The following SEPTIN2 variants were observed in gnomAD, a reference collection of about 807,000 sequenced individuals.
SEPTIN2 encodes septin-2.
In SEPTIN2, 34 loss-of-function variants were observed where a neutral mutation model predicts 46.5. The ratio of observed to expected loss-of-function variants is 0.73; its 90% confidence interval spans 0.56 to 0.97. The LOEUF (loss-of-function observed/expected upper bound fraction) is 0.97. Ranked by LOEUF, SEPTIN2 falls within the 50% of genes least tolerant of loss-of-function variation. SEPTIN2 has a pLI of 0.00. For missense variants in SEPTIN2, 347 were observed against 448.4 expected (o/e 0.77, Z 2.04); for synonymous variants, 175 against 153.4 (o/e 1.14, Z -1.04).
intron 11 of SEPTIN2, 61 bp downstream of exon 11, chr2:241,348,252 G>C: frequency 2.1e-6 from 3 of 1,461,486 alleles, no homozygotes; most frequent in Non-Finnish European, 2.9e-6. Context: ...TTTTGAGACA[G>C]AGTTTTGCAC....
chr2:241,324,217 C>T lies in SEPTIN2; in HGVS notation c.-16C>T, dbSNP rs199561818. On this transcript the variant is annotated splice_region_variant and 5_prime_UTR_variant, in exon 2 of 13. The change creates a new upstream start codon in the 5' untranslated region. Coordinates refer to ENST00000391971, the MANE Select transcript of SEPTIN2 (RefSeq NM_004404.5). The stretch of plus-strand genomic sequence containing the variant: ...GTCTGTGTGTTTTTTTTTTAACAGA[C>T]GAAGCTTCACAAAAGATGTCTAAGG... 1.1e-4 allele frequency: 182 copies of T among 1,609,406 alleles called. 1 individual carries two copies. The African/African-American group carries it at 1.9e-3, about 17-fold the overall frequency.
At chr2:241,346,984 A>C (rs1174887292) in intron 10 of SEPTIN2, among the ~76,000 whole-genome samples, 2 of 152,122 alleles carry the variant, frequency 1.3e-5, no homozygotes, top group African/African-American at 4.8e-5. Flanking sequence ...CTTTTTAACC[A>C]TTCTAATATG....
intron 5 of SEPTIN2, chr2:241,337,109 G>T: frequency 3.4e-6 from 1 of 297,626 alleles, no homozygotes. Context: ...AAAAAAGAAC[G>T]AATTGGCAGC....
chr2:241,338,789 T>TTTATATATAATACATATTATATTTATA (rs1296763559), intron 7 of SEPTIN2, among the ~76,000 whole-genome samples: 7 of 111,536 alleles, frequency 6.3e-5, no homozygotes, highest in Non-Finnish European at 1.2e-4. Context: ...ATTTATATTA[T>TTTATATATAATACATATTATATTTATA]TTATATATAA....
intron 1 of SEPTIN2, among the ~76,000 whole-genome samples, chr2:241,318,005 A>G (rs1200407559): frequency 1.3e-5 from 2 of 152,164 alleles, no homozygotes; most frequent in Admixed American, 6.5e-5. Flanking sequence ...TGCTGGATCA[A>G]GGCTTTCTCA....
At chr2:241,331,146 T>C (rs1228911712) in intron 3 of SEPTIN2, among the ~76,000 whole-genome samples, 1 of 151,990 alleles carries the variant, frequency 6.6e-6, no homozygotes, top group Non-Finnish European at 1.5e-5. Flanking sequence ...GCCACTGCAC[T>C]CCAGCCTGCA....
chr2:241,317,431 A>G, intron 1 of SEPTIN2: 1 of 561,062 alleles, frequency 1.8e-6, no homozygotes, highest in Non-Finnish European at 2.3e-6. Flanking sequence ...GACCTAGGGA[A>G]AGGGGCCAGG....
chr2:241,328,496 G>C (rs1458802823), intron 3 of SEPTIN2, among the ~76,000 whole-genome samples: 8 of 152,146 alleles, frequency 5.3e-5, no homozygotes, highest in African/African-American at 1.4e-4. Context: ...CAGCATCTTG[G>C]GAGGCTGAGG....
At chr2:241,344,191 A>G (rs1442390824) in intron 9 of SEPTIN2, among the ~76,000 whole-genome samples, 1 of 152,058 alleles carries the variant, frequency 6.6e-6, no homozygotes, top group African/African-American at 2.4e-5. Context: ...AGAAAAGGAG[A>G]CTAGAACCTA....
intron 3 of SEPTIN2, among the ~76,000 whole-genome samples, chr2:241,332,719 A>C (rs990609815): frequency 1.1e-4 from 17 of 152,252 alleles, no homozygotes; most frequent in East Asian, 1.9e-4. Context: ...AACTGGGGAC[A>C]GCAGAGGTAT....
At chr2:241,349,382 A>C (rs924188236) in intron 11 of SEPTIN2, among the ~76,000 whole-genome samples, 1 of 117,406 alleles carries the variant, frequency 8.5e-6, no homozygotes, top group Non-Finnish European at 1.8e-5. Flanking sequence ...AAAAAAAAAA[A>C]AATATATATA....
rs892638559 is a variant in SEPTIN2 at position 241,352,277 on chromosome 2, T to G, written c.*340T>G. 6.6e-6 allele frequency: 1 copy of G among 152,668 alleles called. No individual in the cohort carries two copies. Among genetic ancestry groups the G allele is most frequent in the Non-Finnish European group, 1.5e-5 (1 of 68,044 alleles). 9.5% of individuals were successfully genotyped at this position (152,668 alleles called of 1,614,324 possible). A position where few individuals can be genotyped will look rare whatever the true frequency, so the allele number is the denominator to read the frequency against. Reference sequence around the variant, plus strand: ...TCTTTGATTTAACTGACTTAACAACTGACTAACCATTGATGAGCACTCCTG... The same window carrying G: ...TCTTTGATTTAACTGACTTAACAACGGACTAACCATTGATGAGCACTCCTG... On this transcript the variant is annotated 3_prime_UTR_variant, in exon 13 of 13. Transcript: ENST00000391971.
chr2:241,325,305 T>A (rs1431433279), intron 2 of SEPTIN2: 4 of 152,230 alleles, frequency 2.6e-5, no homozygotes, highest in Non-Finnish European at 5.9e-5. Context: ...TCTTGCCTTC[T>A]CATATCTCTG....
chr2:241,344,332 G>GT (rs773074901), intron 9 of SEPTIN2, among the ~76,000 whole-genome samples: 34 of 152,162 alleles, frequency 2.2e-4, no homozygotes, highest in Non-Finnish European at 1.5e-4. Context: ...TATGGCCCTG[G>GT]TTAGCTTTTT....
chr2:241,345,896 GGTGGCAGTGCCT>G (rs1186065908), intron 9 of SEPTIN2, among the ~76,000 whole-genome samples: 12 of 152,158 alleles, frequency 7.9e-5, no homozygotes, highest in Admixed American at 7.2e-4. Flanking sequence ...CTCACACAGG[GGTGGCAGTGCCT>G]CTAGCAGAAA....
chr2:241,325,088 C>A (rs558145819), intron 2 of SEPTIN2: 1 of 150,456 alleles, frequency 6.6e-6, no homozygotes, highest in Non-Finnish European at 1.5e-5. Flanking sequence ...AAAAAAAAGT[C>A]ATTATTTCAC....
chr2:241,329,733 G>A (rs1389919149), intron 3 of SEPTIN2, among the ~76,000 whole-genome samples: 2 of 152,168 alleles, frequency 1.3e-5, no homozygotes, highest in African/African-American at 4.8e-5. Flanking sequence ...TCCACTGGCT[G>A]GAACGGTACC....
chr2:241,335,270 G>A, intron 4 of SEPTIN2, 58 bp downstream of exon 4: 2 of 1,589,814 alleles, frequency 1.3e-6, no homozygotes, highest in South Asian at 1.1e-5. Context: ...GCTGAAGACT[G>A]CCTAATTAAT....
chr2:241,352,689 A>G lies in SEPTIN2; in HGVS notation c.*752A>G, dbSNP rs1218560282. ...CAAGCCACCTTTTGTAGTGTTCTCC[A>G]CTAATACTGGTTATCCTGTGCTACA... On this transcript the variant is annotated 3_prime_UTR_variant, in exon 13 of 13. Transcript: ENST00000391971. 2.0e-5 allele frequency: 3 copies of G among 152,214 alleles called. No individual in the cohort carries two copies. The highest frequency in any genetic ancestry group is 4.4e-5 in the Non-Finnish European group (3 of 68,038). 9.4% of individuals were successfully genotyped at this position (152,214 alleles called of 1,614,324 possible). A position where few individuals can be genotyped will look rare whatever the true frequency, so the allele number is the denominator to read the frequency against.
Sources: gnomAD v4.1 joint callset for allele counts (sites outside exome capture counted in the v4.1 genomes callset) on GRCh38, gnomAD v4.1.1 for gene constraint, MANE v1.5 for transcripts, NCBI Gene and HGNC (gene_info 2026-07-23, HGNC 2026-07-21) for gene names.